Variants in GAB2 observed in about 807,000 individuals in gnomAD.
The protein encoded by GAB2 is GRB2-associated-binding protein 2.
GAB2 carries 26 observed loss-of-function variants against 65.5 expected under a neutral mutation model. The ratio of observed to expected loss-of-function variants is 0.40; its 90% CI spans 0.29 to 0.55. The LOEUF (loss-of-function observed/expected upper bound fraction) is 0.55, where lower values mean the gene tolerates loss of function less well. Among genes scored for constraint, GAB2 ranks in the 20% least tolerant of loss-of-function variants. The pLI, the probability that GAB2 is intolerant of heterozygous loss-of-function variation, is 0.53. For synonymous variants in GAB2, 321 were observed against 329.6 expected, an observed-to-expected ratio of 0.97 and a Z score of 0.28; for missense variants, 884 against 875.8, an observed-to-expected ratio of 1.01 and a Z score of -0.12.
chr11:78,317,647 T>C (rs1315047809), intron 1 of GAB2, among the ~76,000 whole-genome samples: 2 of 152,112 alleles, frequency 1.3e-5, no homozygotes, highest in African/African-American at 2.4e-5. Context: ...AAATAATTTT[T>C]TTAAAAAGTA....
intron 1 of GAB2, among the ~76,000 whole-genome samples, chr11:78,400,902 A>C (rs1356057994): frequency 3.0e-4 from 3 of 10,136 alleles, no homozygotes; most frequent in Non-Finnish European, 6.5e-4. Flanking sequence ...AGACTGTCTC[A>C]AAAAAAAAAA....
At chr11:78,259,453 C>T (rs1431505205) in intron 2 of GAB2, among the ~76,000 whole-genome samples, 5 of 152,104 alleles carry the variant, frequency 3.3e-5, no homozygotes, top group Middle Eastern at 3.2e-3. Context: ...CACTGAAAAA[C>T]AAGGAACATA....
intron 1 of GAB2, among the ~76,000 whole-genome samples, chr11:78,372,212 G>A (rs1231074245): frequency 1.3e-5 from 2 of 152,116 alleles, no homozygotes; most frequent in East Asian, 3.8e-4. Flanking sequence ...TTTACAAAGT[G>A]CTTTCACCTT....
chr11:78,364,867 G>A (rs1018168952), intron 1 of GAB2, among the ~76,000 whole-genome samples: 1 of 152,080 alleles, frequency 6.6e-6, no homozygotes, highest in East Asian at 1.9e-4. Flanking sequence ...GTAATGTTGG[G>A]AAAAGCTTCC....
intron 1 of GAB2, among the ~76,000 whole-genome samples, chr11:78,377,020 C>T (rs1033421054): frequency 6.6e-6 from 1 of 152,212 alleles, no homozygotes; most frequent in African/African-American, 2.4e-5. Context: ...CCTGCTTTCG[C>T]TGTGTGATGT....
rs1276964844 is a variant in GAB2 at position 78,395,507 on chromosome 11, C to G, written c.75+22139G>C. On this transcript the variant is annotated intron_variant, in intron 1 of 9. Coordinates refer to ENST00000361507, the MANE Select transcript of GAB2 (RefSeq NM_080491.3). ...CACTTCATATCCCAATAGCCACAAG[C>G]CTGGTTAGAGTAACAGGAGTAAGTA... 2.0e-5 allele frequency among the ~76,000 whole-genome samples: 3 copies of G among 152,186 alleles called. No homozygotes were observed. The East Asian group carries it at 5.8e-4, about 29-fold the overall frequency.
At chr11:78,310,785 G>T (rs908383974) in intron 1 of GAB2, among the ~76,000 whole-genome samples, 1 of 152,120 alleles carries the variant, frequency 6.6e-6, no homozygotes, top group Admixed American at 6.5e-5. Flanking sequence ...CTTCAGGTGT[G>T]GGAAAGAGCA....
chr11:78,283,111 C>T (rs1439057580), intron 1 of GAB2, among the ~76,000 whole-genome samples: 7 of 152,216 alleles, frequency 4.6e-5, no homozygotes, highest in African/African-American at 1.7e-4. Flanking sequence ...TGACTTTCTC[C>T]TGTTCTTTGG....
intron 2 of GAB2, among the ~76,000 whole-genome samples, chr11:78,273,743 T>G (rs1019806969): frequency 2.0e-5 from 3 of 152,186 alleles, no homozygotes; most frequent in African/African-American, 7.2e-5. Context: ...ATGACATGGT[T>G]TGGCTGTGTC....
intron 2 of GAB2, among the ~76,000 whole-genome samples, chr11:78,266,132 T>C (rs1865866793): frequency 7.3e-6 from 1 of 136,814 alleles, no homozygotes; most frequent in South Asian, 2.3e-4. Flanking sequence ...AGAGGATCAC[T>C]TGAACCTGAG....
intron 1 of GAB2, among the ~76,000 whole-genome samples, chr11:78,321,362 T>C (rs956232851): frequency 1.3e-5 from 2 of 152,210 alleles, no homozygotes; most frequent in African/African-American, 4.8e-5. Context: ...TACCTCCTGC[T>C]TACCTCTATT....
chr11:78,406,379 TA>T (rs1183124017), intron 1 of GAB2, among the ~76,000 whole-genome samples: 2 of 143,868 alleles, frequency 1.4e-5, no homozygotes, highest in Non-Finnish European at 3.0e-5. Flanking sequence ...TGTCCACGTT[TA>T]ATTTTTTTTT....
intron 1 of GAB2, among the ~76,000 whole-genome samples, chr11:78,362,081 T>TA (rs78438663): frequency 1.4e-3 from 199 of 140,270 alleles, no homozygotes; most frequent in Middle Eastern, 3.6e-3. Flanking sequence ...TATTATGAAG[T>TA]AAAAAAAAAA....
At chr11:78,264,704 G>A (rs187745748) in intron 2 of GAB2, among the ~76,000 whole-genome samples, 239 of 152,196 alleles carry the variant, frequency 1.6e-3, no homozygotes, top group Non-Finnish European at 1.7e-3. Context: ...CACAGCACCC[G>A]GCCAAGACAT....
rs1430811581 is a variant in GAB2 at position 78,250,317 on chromosome 11, G to C, written c.460C>G (p.Arg154Gly). 1.2e-6 allele frequency: 2 copies of C among 1,613,602 alleles called. No individual in the cohort carries two copies. The highest frequency in any genetic ancestry group is 2.2e-5 in the South Asian group (2 of 91,024). Residue 154 changes from arginine to glycine, a missense_variant, in exon 3 of 10, where the codon CGA becomes GGA. By Grantham distance (125) the Arg-to-Gly change is moderately radical (BLOSUM62 -2). Transcript: ENST00000361507. Reference protein sequence around the residue: ...ELSSSSQHLLRERKSSAPSHS... With the variant: ...ELSSSSQHLLGERKSSAPSHS... ...GATGGGGCTGAGGACTTGCGCTCTC[G>C]GAGAAGGTGCTGGCTAGAGCTGCTG...
intron 3 of GAB2, among the ~76,000 whole-genome samples, chr11:78,240,057 C>G (rs540632302): frequency 1.3e-5 from 2 of 152,174 alleles, no homozygotes; most frequent in South Asian, 4.1e-4. Context: ...ACCTGCCCCT[C>G]TCCCCACTCC....
intron 1 of GAB2, 138 bp from the exon 2 acceptor site, chr11:78,281,039 G>A (rs1403421946): frequency 1.0e-5 from 7 of 683,578 alleles, no homozygotes; most frequent in Admixed American, 2.8e-5. Flanking sequence ...CTGCAATCTT[G>A]AACTCCTGGG....
intron 1 of GAB2, among the ~76,000 whole-genome samples, chr11:78,385,862 A>G (rs1856759211): frequency 6.6e-6 from 1 of 152,254 alleles, no homozygotes; most frequent in Non-Finnish European, 1.5e-5. Flanking sequence ...ATGCTTCACA[A>G]AAGTTATCTA....
At chr11:78,387,054 A>G (rs1565181295) in intron 1 of GAB2, among the ~76,000 whole-genome samples, 1 of 152,206 alleles carries the variant, frequency 6.6e-6, no homozygotes, top group Non-Finnish European at 1.5e-5. Flanking sequence ...CAATCAATCA[A>G]TGAATGAGGT....
Sources: gnomAD v4.1 joint callset for allele counts (sites outside exome capture counted in the v4.1 genomes callset) on GRCh38, gnomAD v4.1.1 for gene constraint, MANE v1.5 for transcripts, NCBI Gene and HGNC (gene_info 2026-07-23, HGNC 2026-07-21) for gene names.